PPFIBP2: variants seen among roughly 807,000 people sequenced by gnomAD.
PPFIBP2 encodes the protein liprin-beta-2.
Under a neutral mutation model 118.3 loss-of-function variants are expected in PPFIBP2, and 118 were observed. That is an observed-to-expected ratio of 1.00 (90% CI 0.86 to 1.16). The LOEUF is 1.16. Ranked by LOEUF, PPFIBP2 falls within the 50% of genes most tolerant of loss-of-function variation. The pLI, the probability that PPFIBP2 is intolerant of heterozygous loss-of-function variation, is 0.00. For missense variants in PPFIBP2, 1,195 were observed against 1,073.1 expected (o/e 1.11, Z -1.59); for synonymous variants, 414 against 397.4 (o/e 1.04, Z -0.50).
intron 2 of PPFIBP2, among the ~76,000 whole-genome samples, chr11:7,555,339 G>A (rs1430874979): frequency 6.6e-6 from 1 of 152,166 alleles, no homozygotes; most frequent in East Asian, 1.9e-4. Context: ...GTCAGCTGGG[G>A]CCTTTCTGCC....
At chr11:7,514,309 C>CCT (rs1283854494) in intron 1 of PPFIBP2, among the ~76,000 whole-genome samples, 188 bp downstream of exon 1, 1 of 152,246 alleles carries the variant, frequency 6.6e-6, no homozygotes, top group African/African-American at 2.4e-5. Context: ...ACTCCACTGG[C>CCT]CAGAAGCCTG....
At chr11:7,544,748 T>G (rs1852144726) in intron 1 of PPFIBP2, among the ~76,000 whole-genome samples, 1 of 135,008 alleles carries the variant, frequency 7.4e-6, no homozygotes, top group Admixed American at 8.1e-5. Context: ...CACTCCAGCC[T>G]GGGCAACAGG....
At chr11:7,608,210 T>G (rs547258066) in intron 5 of PPFIBP2, among the ~76,000 whole-genome samples, 239 of 152,344 alleles carry the variant, frequency 1.6e-3, no homozygotes, top group African/African-American at 5.5e-3. Context: ...CTGGGCTCAT[T>G]GAATATTTGT....
intron 1 of PPFIBP2, among the ~76,000 whole-genome samples, chr11:7,529,555 T>G (rs1850508136): frequency 1.3e-5 from 2 of 152,174 alleles, no homozygotes; most frequent in African/African-American, 4.8e-5. Flanking sequence ...GCTCTCTTGA[T>G]GCCAGTGCAT....
intron 7 of PPFIBP2, among the ~76,000 whole-genome samples, chr11:7,624,963 C>T (rs376002950): frequency 3.3e-5 from 5 of 152,304 alleles, no homozygotes; most frequent in African/African-American, 1.2e-4. Flanking sequence ...AGGACCTATA[C>T]AATTCTGATC....
chr11:7,664,636 A>C, the PPFIBP2 span, among the ~76,000 whole-genome samples: 1 of 152,136 alleles, frequency 6.6e-6, no homozygotes, highest in African/African-American at 2.4e-5. Context: ...GGGCCCAGGG[A>C]AAGAAAAATC....
At position 7,635,548 on chromosome 11, in the gene PPFIBP2, A is replaced by G. The variant is rs1259252370; in HGVS notation, c.1195-4A>G. 3.1e-6 allele frequency: 5 copies of G among 1,608,124 alleles called. No homozygotes were observed. The highest frequency in any genetic ancestry group is 2.2e-5 in the East Asian group (1 of 44,872). On this transcript the variant is annotated splice_polypyrimidine_tract_variant and splice_region_variant and intron_variant, in intron 13 of 23. Coordinates refer to ENST00000299492, the MANE Select transcript of PPFIBP2 (RefSeq NM_003621.5). ...ATAAACGAAATCCTCATGTTACTCC[A>G]TAGTGTATGGATGGGAACCAGCCCT... is the stretch of plus-strand genomic sequence containing the variant.
chr11:7,601,481 T>C (rs1160651837), intron 5 of PPFIBP2, among the ~76,000 whole-genome samples: 1 of 152,154 alleles, frequency 6.6e-6, no homozygotes, highest in Non-Finnish European at 1.5e-5. Context: ...CTCTCAGGAC[T>C]GCTACAAGCA....
intron 3 of PPFIBP2, among the ~76,000 whole-genome samples, chr11:7,567,272 G>T (rs754605136): frequency 1.3e-5 from 2 of 152,048 alleles, no homozygotes; most frequent in Non-Finnish European, 2.9e-5. Flanking sequence ...TTTAGCATTT[G>T]GTATAAACAA....
At chr11:7,602,196 T>C (rs774303753) in intron 5 of PPFIBP2, among the ~76,000 whole-genome samples, 2 of 148,838 alleles carry the variant, frequency 1.3e-5, no homozygotes, top group South Asian at 2.1e-4. Context: ...AGCCTGAAAA[T>C]AGAACTCACA....
intron 3 of PPFIBP2, among the ~76,000 whole-genome samples, chr11:7,584,478 G>T (rs561390189): frequency 3.9e-5 from 6 of 152,240 alleles, no homozygotes; most frequent in Admixed American, 3.9e-4. Context: ...GCATTTGGAA[G>T]AAATTTCTTT....
chr11:7,642,490 C>A (rs964781844), intron 17 of PPFIBP2, 64 bp downstream of exon 17: 2 of 1,531,510 alleles, frequency 1.3e-6, no homozygotes, highest in South Asian at 1.2e-5. Context: ...CCCTTCAAAC[C>A]TGCATGGGTG....
the PPFIBP2 span, chr11:7,665,662 G>C: frequency 8.0e-7 from 1 of 1,253,662 alleles, no homozygotes; most frequent in South Asian, 1.5e-5. Context: ...CTCTACAAAG[G>C]CTTAGAAGTC....
intron 1 of PPFIBP2, among the ~76,000 whole-genome samples, chr11:7,523,092 G>A (rs972248193): frequency 6.6e-6 from 1 of 152,082 alleles, no homozygotes; most frequent in African/African-American, 2.4e-5. Flanking sequence ...TCAGGATCGG[G>A]GACTCAGATG....
chr11:7,607,145 C>T (rs536402638), intron 5 of PPFIBP2, among the ~76,000 whole-genome samples: 14 of 148,676 alleles, frequency 9.4e-5, no homozygotes, highest in Non-Finnish European at 1.6e-4. Context: ...CTCCTGACCT[C>T]GTGATCCGCC....
At chr11:7,518,866 G>T (rs75574711) in intron 1 of PPFIBP2, among the ~76,000 whole-genome samples, 1 of 152,298 alleles carries the variant, frequency 6.6e-6, no homozygotes, top group Admixed American at 6.5e-5. Context: ...GATGGCGCTC[G>T]AGCGAGTATG....
the PPFIBP2 span, among the ~76,000 whole-genome samples, chr11:7,663,520 TG>T: frequency 6.6e-6 from 1 of 152,224 alleles, no homozygotes; most frequent in Non-Finnish European, 1.5e-5. Flanking sequence ...GATCTGCAGC[TG>T]CGAGCTGGGA....
chr11:7,554,137 G>A (rs978674586), intron 2 of PPFIBP2, among the ~76,000 whole-genome samples: 2 of 152,182 alleles, frequency 1.3e-5, no homozygotes, highest in African/African-American at 4.8e-5. Flanking sequence ...ATTGCATGAT[G>A]TCAAGTAGTG....
chr11:7,593,143 C>G lies in PPFIBP2; in HGVS notation c.291C>G (p.Asn97Lys). 6.2e-7 allele frequency: 1 copy of G among 1,613,882 alleles called. No individual in the cohort carries two copies. The highest frequency in any genetic ancestry group is 8.5e-7 in the Non-Finnish European group (1 of 1,179,918). The change falls in exon 4 of 24, where the codon AAC (asparagine) becomes AAG (lysine). Residue 97 changes from asparagine to lysine, a missense_variant. Asn to Lys is a moderately conservative substitution (Grantham distance 94, BLOSUM62 0). Transcript: ENST00000299492. ...TCTGTCCTCTTTAGTCCCAGGTAAA[C>G]CACCACAGTGCTGCTAGTAATGAAA... ...EWFEESLSQV[N>K]HHSAASNETY...
Sources: gnomAD v4.1 joint callset for allele counts (sites outside exome capture counted in the v4.1 genomes callset) on GRCh38, gnomAD v4.1.1 for gene constraint, MANE v1.5 for transcripts, NCBI Gene and HGNC (gene_info 2026-07-23, HGNC 2026-07-21) for gene names.